SCRG1: variants seen among roughly 807,000 people sequenced by gnomAD.
SCRG1 encodes scrapie-responsive protein 1.
SCRG1 carries 3 observed loss-of-function variants against 7.7 expected under a neutral mutation model. The ratio of observed to expected loss-of-function variants is 0.39; its 90% CI spans 0.18 to 1.01. The LOEUF is 1.01. Among genes scored for constraint, SCRG1 ranks in the 50% least tolerant of loss-of-function variants. SCRG1 has a pLI of 0.36. For synonymous variants in SCRG1, 46 were observed against 41.2 expected (o/e 1.12, Z -0.44); for missense variants, 110 against 117.2 (o/e 0.94, Z 0.28).
At chr4:173,412,096 T>C in the SCRG1 span, among the ~76,000 whole-genome samples, 1 of 152,186 alleles carries the variant, frequency 6.6e-6, no homozygotes, top group African/African-American at 2.4e-5. Context: ...AGCTTCCACC[T>C]TGGTCTTCTT....
At chr4:173,390,737 A>G (rs1175329580) in intron 2 of SCRG1, among the ~76,000 whole-genome samples, 2 of 151,906 alleles carry the variant, frequency 1.3e-5, no homozygotes, top group African/African-American at 4.8e-5. Flanking sequence ...GATCTGCCCA[A>G]CTCAGCCTCC....
the SCRG1 span, among the ~76,000 whole-genome samples, chr4:173,416,478 G>A: frequency 2.6e-5 from 4 of 152,240 alleles, no homozygotes; most frequent in Non-Finnish European, 5.9e-5. Context: ...TCCAGTGCCA[G>A]GCGCGGTGGC....
the SCRG1 span, among the ~76,000 whole-genome samples, chr4:173,470,432 C>T: frequency 3.3e-5 from 5 of 152,114 alleles, no homozygotes; most frequent in East Asian, 1.9e-4. Context: ...GTCATACTGA[C>T]GTGTCAGGCA....
the SCRG1 span, among the ~76,000 whole-genome samples, chr4:173,445,864 C>T: frequency 6.6e-6 from 1 of 151,830 alleles, no homozygotes; most frequent in Admixed American, 6.6e-5. Context: ...CGAGGTTTCA[C>T]CATGTTGGCC....
the SCRG1 span, among the ~76,000 whole-genome samples, chr4:173,446,000 A>G: frequency 2.0e-5 from 3 of 152,114 alleles, no homozygotes; most frequent in Non-Finnish European, 2.9e-5. Flanking sequence ...GGTTCACACG[A>G]TAAGTTCTTG....
At chr4:173,492,417 A>C in the SCRG1 span, among the ~76,000 whole-genome samples, 3 of 152,052 alleles carry the variant, frequency 2.0e-5, no homozygotes, top group Non-Finnish European at 4.4e-5. Context: ...AACTACCCAC[A>C]GCTGAGGACA....
chr4:173,476,363 A>AAAAAAAAAATATATATATATAT, the SCRG1 span, among the ~76,000 whole-genome samples: 491 of 98,372 alleles, frequency 5.0e-3, 6 homozygotes, highest in Admixed American at 0.011. Context: ...GGAAAAAAAA[A>AAAAAAAAAATATATATATATAT]ATATATATAT....
At chr4:173,429,881 A>C in the SCRG1 span, among the ~76,000 whole-genome samples, 6 of 152,326 alleles carry the variant, frequency 3.9e-5, no homozygotes, top group East Asian at 1.2e-3. Flanking sequence ...TGCCAAGTTC[A>C]TCTGAAAGCT....
the SCRG1 span, among the ~76,000 whole-genome samples, chr4:173,493,613 T>A: frequency 5.8e-4 from 73 of 126,672 alleles, no homozygotes; most frequent in African/African-American, 2.5e-3. Flanking sequence ...CAAGACTCAG[T>A]CAGAAAAAAA....
chr4:173,486,471 C>G, the SCRG1 span, among the ~76,000 whole-genome samples: 1 of 152,104 alleles, frequency 6.6e-6, no homozygotes, highest in African/African-American at 2.4e-5. Context: ...TGTTAACCTC[C>G]TTTTAAACTT....
At chr4:173,407,244 C>T (rs532603900), upstream of SCRG1, among the ~76,000 whole-genome samples, 8 of 129,886 alleles carry the variant, frequency 6.2e-5, no homozygotes, top group East Asian at 2.4e-4. Flanking sequence ...GGGCTGGATG[C>T]GGTGGCTCAC....
chr4:173,470,357 T>A, the SCRG1 span, among the ~76,000 whole-genome samples: 2 of 152,154 alleles, frequency 1.3e-5, no homozygotes, highest in African/African-American at 4.8e-5. Flanking sequence ...TGAGACATAA[T>A]CCCTCCTTTG....
At chr4:173,417,853 A>G in the SCRG1 span, among the ~76,000 whole-genome samples, 1 of 151,376 alleles carries the variant, frequency 6.6e-6, no homozygotes, top group Admixed American at 6.6e-5. Flanking sequence ...CCTGCAACAC[A>G]CCTTGGACCT....
At chr4:173,396,113 T>C (rs752276211) in intron 1 of SCRG1, among the ~76,000 whole-genome samples, 9 of 152,168 alleles carry the variant, frequency 5.9e-5, no homozygotes, top group Non-Finnish European at 1.2e-4. Flanking sequence ...GAATCAAGGA[T>C]GACTCTTGGG....
chr4:173,472,638 C>T, the SCRG1 span, among the ~76,000 whole-genome samples: 1 of 152,182 alleles, frequency 6.6e-6, no homozygotes, highest in African/African-American at 2.4e-5. Context: ...CAGGAAAATC[C>T]GATGTCCCAG....
the SCRG1 span, among the ~76,000 whole-genome samples, chr4:173,511,901 A>G: frequency 6.6e-6 from 1 of 152,256 alleles, no homozygotes; most frequent in Admixed American, 6.5e-5. This position sits in a 1 kb window ranked among gnomAD's most constrained non-coding sequence, Gnocchi z 5.2. Context: ...TTTGTGGAAC[A>G]GAAAGAGATC....
At chr4:173,418,762 G>A in the SCRG1 span, among the ~76,000 whole-genome samples, 1 of 152,116 alleles carries the variant, frequency 6.6e-6, no homozygotes, top group Admixed American at 6.5e-5. Context: ...CCCCTTTGCT[G>A]TTCTCATGAT....
At chr4:173,418,329 T>C in the SCRG1 span, among the ~76,000 whole-genome samples, 3 of 152,228 alleles carry the variant, frequency 2.0e-5, no homozygotes, top group Admixed American at 2.0e-4. Flanking sequence ...AGCCTTGACC[T>C]CCCCCGTGAG....
At chr4:173,395,085 A>C (rs1739565754) in intron 1 of SCRG1, among the ~76,000 whole-genome samples, 4 of 152,078 alleles carry the variant, frequency 2.6e-5, no homozygotes, top group African/African-American at 9.7e-5. Flanking sequence ...TTTGAGTTTT[A>C]GGTCTCAGTT....
Sources: gnomAD v4.1 joint callset for allele counts (sites outside exome capture counted in the v4.1 genomes callset) on GRCh38, gnomAD v4.1.1 for gene constraint, Gnocchi (gnomAD v3.1) non-coding constraint, MANE v1.5 for transcripts, NCBI Gene and HGNC (gene_info 2026-07-23, HGNC 2026-07-21) for gene names.